HIRA: variants seen among roughly 807,000 people sequenced by gnomAD.
HIRA encodes the protein histone cell cycle regulator.
HIRA carries 13 observed loss-of-function variants against 126.6 expected under a neutral mutation model. The observed-to-expected ratio is 0.10, with a 90% confidence interval of 0.07 to 0.16. HIRA has a LOEUF of 0.16. HIRA is among the 10% of genes least tolerant of loss of function. The pLI, the probability that HIRA is intolerant of heterozygous loss-of-function variation, is 1.00. For missense variants in HIRA, 834 were observed against 1,314.4 expected (o/e 0.63, Z 5.65); for synonymous variants, 511 against 520.0 (o/e 0.98, Z 0.24).
At chr22:19,407,482 G>A (rs1389892869) in intron 3 of HIRA, among the ~76,000 whole-genome samples, 1 of 152,156 alleles carries the variant, frequency 6.6e-6, no homozygotes, top group Non-Finnish European at 1.5e-5. Flanking sequence ...CAGTCTGGAG[G>A]GGGAAAAATA....
chr22:19,399,252 G>T, intron 5 of HIRA: 1 of 592,224 alleles, frequency 1.7e-6, no homozygotes, highest in Non-Finnish European at 2.1e-6. Flanking sequence ...CAAGGTAATA[G>T]CTATCAAGTC....
At chr22:19,393,926 G>A (rs1486092631) in intron 8 of HIRA, among the ~76,000 whole-genome samples, 2 of 152,306 alleles carry the variant, frequency 1.3e-5, no homozygotes, top group African/African-American at 4.8e-5. Flanking sequence ...AGCAGTTCAC[G>A]CCTCTGAGCT....
chr22:19,381,527 G>A (rs1362763908), intron 13 of HIRA, among the ~76,000 whole-genome samples: 1 of 152,096 alleles, frequency 6.6e-6, no homozygotes, highest in Non-Finnish European at 1.5e-5. Context: ...ATTAAGCATC[G>A]ATGAGAGATC....
At chr22:19,423,620 A>T (rs2089466850) in intron 1 of HIRA, among the ~76,000 whole-genome samples, 1 of 152,090 alleles carries the variant, frequency 6.6e-6, no homozygotes, top group Non-Finnish European at 1.5e-5. Context: ...AGTCTGCTCC[A>T]ACGTAGGTCT....
chr22:19,343,295 T>C (rs1002964394), intron 24 of HIRA, among the ~76,000 whole-genome samples: 4 of 152,162 alleles, frequency 2.6e-5, no homozygotes, highest in Non-Finnish European at 5.9e-5. Context: ...CTCACACCTG[T>C]AATCCCAGCA....
At chr22:19,374,687 C>T (rs1217649817) in intron 15 of HIRA, among the ~76,000 whole-genome samples, 2 of 152,176 alleles carry the variant, frequency 1.3e-5, no homozygotes, top group Non-Finnish European at 2.9e-5. Flanking sequence ...AAATCACCAT[C>T]TACTGCAAGG....
intron 5 of HIRA, chr22:19,398,933 C>T: frequency 6.1e-6 from 1 of 164,838 alleles, no homozygotes; most frequent in Non-Finnish European, 1.3e-5. Context: ...TGCACCACTG[C>T]ACTCCAGGCT....
rs752430327 is a variant in HIRA, at chr22:19,405,865, G to A, written c.318C>T (p.Ser106=). 1.2e-5 allele frequency: 18 copies of A among 1,499,750 alleles called. No individual in the cohort carries two copies. The South Asian group carries it at 2.0e-4, about 17-fold the overall frequency. The allele number at this position is 1,499,750 out of a possible 1,614,324, so 92.9% of individuals were successfully genotyped here. Residue 106 remains serine (S), a synonymous_variant, in exon 5 of 25, where the codon AGC becomes AGT. Coordinates refer to ENST00000263208, the MANE Select transcript of HIRA (RefSeq NM_003325.4). The part of the protein sequence containing the change: ...VWKRATYIGP[S]TVFGSSGKLA... ...GCTTACCACTGGAGCCGAACACGGTGCTGGGGCCGATGTACCTGTGTGAGA... is the reference window on the plus strand; with the variant it reads ...GCTTACCACTGGAGCCGAACACGGTACTGGGGCCGATGTACCTGTGTGAGA...
chr22:19,422,164 TTA>T (rs71766212), intron 1 of HIRA, among the ~76,000 whole-genome samples: 19,532 of 121,208 alleles, frequency 0.16, 2,651 homozygotes, highest in African/African-American at 0.37. Flanking sequence ...AAGAATGTGT[TTA>T]TATATACACA....
intron 5 of HIRA, among the ~76,000 whole-genome samples, chr22:19,403,044 A>G (rs1190621399): frequency 6.7e-6 from 1 of 149,860 alleles, no homozygotes; most frequent in Non-Finnish European, 1.5e-5. Flanking sequence ...TCAAGGCTGC[A>G]GTGAGCCGTA....
At chr22:19,355,704 G>T in intron 21 of HIRA, 56 bp downstream of exon 21, 1 of 1,318,712 alleles carries the variant, frequency 7.6e-7, no homozygotes, top group Non-Finnish European at 1.1e-6. Flanking sequence ...TTGCTCTGCT[G>T]TCTAGAGCAG....
intron 15 of HIRA, among the ~76,000 whole-genome samples, chr22:19,369,432 C>T (rs1161096199): frequency 6.6e-6 from 1 of 152,152 alleles, no homozygotes; most frequent in Non-Finnish European, 1.5e-5. Flanking sequence ...TACGGCTTTA[C>T]AGGCCTAAGG....
intron 24 of HIRA, among the ~76,000 whole-genome samples, chr22:19,339,123 T>C (rs192375997): frequency 9.9e-5 from 15 of 152,094 alleles, no homozygotes; most frequent in Admixed American, 7.9e-4. Context: ...CACAGTAAAA[T>C]AAAATTGGAA....
Position 19,422,171 on chromosome 22 carries a change from T to TACATAC in HIRA, c.37+9268_37+9269insGTATGT, listed in dbSNP as rs1556028841. Among the ~76,000 whole-genome samples the TACATAC allele has an allele frequency of 2.1e-5, 3 of 143,134 alleles. No individual in the cohort carries two copies. In the Admixed American group the frequency reaches 2.1e-4, roughly 10 times the overall value. 93.9% of individuals were successfully genotyped at this position (143,134 alleles called of 152,430 possible). A position where few individuals can be genotyped will look rare whatever the true frequency, so the allele number is the denominator to read the frequency against. On this transcript the variant is annotated intron_variant, in intron 1 of 24. Coordinates refer to ENST00000263208, the MANE Select transcript of HIRA (RefSeq NM_003325.4). ...TACCTGAAAAGAATGTGTTTATATA[T>TACATAC]ACACACACACACACACACACACATA...
At chr22:19,345,521 C>G (rs1420584537) in intron 24 of HIRA, among the ~76,000 whole-genome samples, 2 of 152,212 alleles carry the variant, frequency 1.3e-5, no homozygotes, top group African/African-American at 4.8e-5. Flanking sequence ...CTTTTCGGCA[C>G]CCAGGACTGG....
chr22:19,331,426 C>T lies in HIRA; in HGVS notation c.*14G>A, dbSNP rs1438093792. ...GGCCCTGCCCTTGCTGCAGCCAGGG[C>T]AGGCTGGGGCAGGCTACTTGTCCCT... On this transcript the variant is annotated 3_prime_UTR_variant, in exon 25 of 25. Transcript: ENST00000263208. The T allele has an allele frequency of 6.2e-7, 1 of 1,613,820 alleles. No homozygotes were observed. The highest frequency in any genetic ancestry group is 8.5e-7 in the Non-Finnish European group (1 of 1,179,976).
chr22:19,378,071 C>T lies in HIRA; in HGVS notation c.1416-5G>A, dbSNP rs1331830013. On this transcript the variant is annotated splice_region_variant and splice_polypyrimidine_tract_variant and intron_variant, in intron 13 of 24. Transcript: ENST00000263208. ...AAGAATGCCGTGGAGAAGTCCCTGT[C>T]ATCAAGTAAGAACAAAAGTCAGCCT... 2.6e-6 allele frequency: 4 copies of T among 1,545,764 alleles called. No homozygotes were observed. Among genetic ancestry groups the T allele is most frequent in the Non-Finnish European group, 3.5e-6 (4 of 1,143,078 alleles).
At chr22:19,356,071 C>T (rs1482321579) in intron 20 of HIRA, among the ~76,000 whole-genome samples, 159 bp downstream of exon 20, 2 of 152,190 alleles carry the variant, frequency 1.3e-5, no homozygotes, top group African/African-American at 2.4e-5. Flanking sequence ...AAACATGCCC[C>T]CAAAAAGTGT....
intron 1 of HIRA, among the ~76,000 whole-genome samples, chr22:19,416,792 C>T (rs1039351600): frequency 6.6e-5 from 10 of 152,096 alleles, no homozygotes; most frequent in Admixed American, 6.6e-4. Context: ...GAAATATCTG[C>T]AAATTACATA....
Sources: allele counts gnomAD v4.1 joint callset (sites outside exome capture counted in the v4.1 genomes callset), GRCh38; gene constraint gnomAD v4.1.1; transcripts MANE v1.5; gene names NCBI Gene and HGNC (gene_info 2026-07-23, HGNC 2026-07-21).